PARD3B: variants seen among roughly 807,000 people sequenced by gnomAD.
The protein encoded by PARD3B is par-3 family cell polarity regulator beta, also known as partitioning defective 3 homolog B.
A neutral mutation model predicts 130.2 loss-of-function variants in PARD3B; 103 were observed. The ratio of observed to expected loss-of-function variants is 0.79; its 90% CI spans 0.67 to 0.93. PARD3B has a LOEUF of 0.93. Among genes scored for constraint, PARD3B ranks in the 40% least tolerant of loss-of-function variants. The probability of loss-of-function intolerance (pLI) is 0.00; values close to 1 mark genes in which losing one functional copy is unlikely to be tolerated. For synonymous variants in PARD3B, 583 were observed against 553.2 expected, an observed-to-expected ratio of 1.05 and a Z score of -0.76; for missense variants, 1,609 against 1,499.2, an observed-to-expected ratio of 1.07 and a Z score of -1.21.
At chr2:205,180,987 C>G (rs910070709) in intron 13 of PARD3B, among the ~76,000 whole-genome samples, 2 of 152,158 alleles carry the variant, frequency 1.3e-5, no homozygotes, top group Non-Finnish European at 2.9e-5. Flanking sequence ...GAGGAATAGC[C>G]TCATGCAGTT....
At chr2:205,527,541 G>A (rs952642603) in intron 21 of PARD3B, among the ~76,000 whole-genome samples, 2 of 152,184 alleles carry the variant, frequency 1.3e-5, no homozygotes, top group African/African-American at 4.8e-5. Context: ...AGTGACAAGG[G>A]GCAGTTAAAG....
intron 2 of PARD3B, among the ~76,000 whole-genome samples, chr2:204,717,732 G>T (rs771920802): frequency 2.0e-5 from 3 of 152,194 alleles, no homozygotes; most frequent in African/African-American, 7.2e-5. Context: ...CAAAGAACCT[G>T]AGGGTGATGG....
At chr2:205,191,797 A>C (rs2036414418) in intron 14 of PARD3B, among the ~76,000 whole-genome samples, 1 of 152,176 alleles carries the variant, frequency 6.6e-6, no homozygotes, top group African/African-American at 2.4e-5. Context: ...TACCGGAGCC[A>C]GGATTTAGAG....
At chr2:204,658,203 A>T (rs1260788605) in intron 1 of PARD3B, among the ~76,000 whole-genome samples, 1 of 150,954 alleles carries the variant, frequency 6.6e-6, no homozygotes, top group Non-Finnish European at 1.5e-5. Flanking sequence ...ACTAAAAGTT[A>T]AAAAAAAAAT....
Position 205,240,181 on chromosome 2 carries a change from A to C in PARD3B, c.2141-5597A>C, listed in dbSNP as rs62172743. On this transcript the variant is annotated intron_variant, in intron 15 of 22. Coordinates refer to ENST00000406610, the MANE Select transcript of PARD3B (RefSeq NM_001302769.2). ...GCATTCCTTAGAAATTCTGGAAATC[A>C]ATCAGTGGCACAGAAATTGATCTGC... Among the ~76,000 whole-genome samples, 605 of 152,356 alleles carry C rather than the reference A, an allele frequency of 4.0e-3. 4 individuals are homozygous for C. The highest frequency in any genetic ancestry group is 5.9e-3 in the Non-Finnish European group (403 of 68,028).
chr2:204,697,802 G>T (rs1046739950), intron 2 of PARD3B, among the ~76,000 whole-genome samples: 1 of 152,086 alleles, frequency 6.6e-6, no homozygotes, highest in African/African-American at 2.4e-5. Flanking sequence ...CTGCAAGGGT[G>T]ACCCTGGGTG....
In PARD3B at chr2:204,967,381, C is replaced by G. The variant is rs1691343737; in HGVS notation, c.394+2058C>G. On this transcript the variant is annotated intron_variant, in intron 3 of 22. Transcript: ENST00000406610. This position sits in a 1 kb window ranked among gnomAD's most constrained non-coding sequence, Gnocchi z 4.4. ...ACTATTGCAGAGGCCTCAGACTGAC[C>G]TCTTTCTTTACACTGTGTGCTTTCT... 6.6e-6 allele frequency among the ~76,000 whole-genome samples: 1 copy of G among 152,196 alleles called. No individual in the cohort carries two copies. The highest frequency in any genetic ancestry group is 1.5e-5 in the Non-Finnish European group (1 of 68,050).
At chr2:205,426,743 G>T (rs968861398) in intron 19 of PARD3B, among the ~76,000 whole-genome samples, 2 of 152,128 alleles carry the variant, frequency 1.3e-5, no homozygotes, top group African/African-American at 4.8e-5. Flanking sequence ...TCAAGAAATA[G>T]TATGGAAAAG....
intron 22 of PARD3B, among the ~76,000 whole-genome samples, chr2:205,609,445 T>C (rs576716329): frequency 2.0e-5 from 3 of 152,300 alleles, no homozygotes; most frequent in Admixed American, 1.3e-4. Context: ...GGCACCTCTC[T>C]TAGACAGCTC....
chr2:204,573,855 T>C (rs886869497), intron 1 of PARD3B, among the ~76,000 whole-genome samples: 4 of 152,220 alleles, frequency 2.6e-5, no homozygotes, highest in Non-Finnish European at 5.9e-5. Flanking sequence ...CTGTGGCTCA[T>C]CCCCAGGCCC....
At chr2:204,846,845 A>G in intron 2 of PARD3B, among the ~76,000 whole-genome samples, 1 of 151,966 alleles carries the variant, frequency 6.6e-6, no homozygotes, top group East Asian at 1.9e-4. Context: ...TAATGTGTTC[A>G]GTTCCCTGAA....
chr2:205,103,246 G>GT (rs1702929688), intron 4 of PARD3B, among the ~76,000 whole-genome samples: 1 of 71,214 alleles, frequency 1.4e-5, no homozygotes, highest in South Asian at 6.2e-4. Context: ...TTATATTTAT[G>GT]TAAAAAACAT....
chr2:204,776,849 T>C (rs2041643465), intron 2 of PARD3B, among the ~76,000 whole-genome samples: 1 of 151,758 alleles, frequency 6.6e-6, no homozygotes, highest in Non-Finnish European at 1.5e-5. Context: ...TTATGTTAAA[T>C]ATGCCTGGGC....
intron 2 of PARD3B, among the ~76,000 whole-genome samples, chr2:204,771,709 A>T (rs185199942): frequency 6.6e-6 from 1 of 152,246 alleles, no homozygotes; most frequent in Admixed American, 6.6e-5. Context: ...TTATTTAAAG[A>T]GACACTTTTT....
chr2:204,813,855 C>G (rs2043050745), intron 2 of PARD3B, among the ~76,000 whole-genome samples: 1 of 152,040 alleles, frequency 6.6e-6, no homozygotes, highest in Admixed American at 6.6e-5. Flanking sequence ...TCATGACTAT[C>G]TTGATTACTA....
chr2:204,975,707 G>A (rs1692084459), intron 3 of PARD3B, among the ~76,000 whole-genome samples: 1 of 152,110 alleles, frequency 6.6e-6, no homozygotes, highest in Non-Finnish European at 1.5e-5. Context: ...CTATTGAGTG[G>A]TTTAAGCAAA....
chr2:205,296,871 C>CTT (rs201830756), intron 16 of PARD3B, among the ~76,000 whole-genome samples: 5 of 143,906 alleles, frequency 3.5e-5, no homozygotes, highest in African/African-American at 1.4e-4. Context: ...GCTATAACAT[C>CTT]TTTTTAAAAA....
chr2:204,756,486 A>C (rs1259908906), intron 2 of PARD3B, among the ~76,000 whole-genome samples: 2 of 152,102 alleles, frequency 1.3e-5, no homozygotes, highest in Non-Finnish European at 2.9e-5. Flanking sequence ...CTTATGTACA[A>C]ATCAGTGCAA....
At chr2:204,710,206 C>T (rs969629177) in intron 2 of PARD3B, among the ~76,000 whole-genome samples, 5 of 152,106 alleles carry the variant, frequency 3.3e-5, no homozygotes, top group African/African-American at 7.2e-5. Flanking sequence ...AGACATTGTC[C>T]TGCTGGAAAG....
Sources: gnomAD v4.1 joint callset for allele counts (sites outside exome capture counted in the v4.1 genomes callset) on GRCh38, gnomAD v4.1.1 for gene constraint, Gnocchi (gnomAD v3.1) non-coding constraint, MANE v1.5 for transcripts, NCBI Gene and HGNC (gene_info 2026-07-23, HGNC 2026-07-21) for gene names.